The following SRGAP3 variants were observed in gnomAD, a reference collection of about 807,000 sequenced individuals.
The protein encoded by SRGAP3 is SLIT-ROBO Rho GTPase-activating protein 3.
In SRGAP3, 39 loss-of-function variants were observed where a neutral mutation model predicts 121.1. The observed-to-expected ratio is 0.32, with a 90% CI of 0.25 to 0.42. The LOEUF is 0.42. SRGAP3 is among the 10% of genes least tolerant of loss of function. The pLI is 1.00. For missense variants in SRGAP3, 1,213 were observed against 1,470.6 expected, an observed-to-expected ratio of 0.82 and a Z score of 2.86; for synonymous variants, 601 against 570.0, an observed-to-expected ratio of 1.05 and a Z score of -0.77.
chr3:9,147,721 G>A (rs1178788397), intron 1 of SRGAP3, among the ~76,000 whole-genome samples: 2 of 152,210 alleles, frequency 1.3e-5, no homozygotes, highest in African/African-American at 4.8e-5. Flanking sequence ...TGCTCTGCGG[G>A]AATTGGATGC....
intron 17 of SRGAP3, among the ~76,000 whole-genome samples, chr3:9,010,892 A>G (rs1461454723): frequency 6.6e-6 from 1 of 152,196 alleles, no homozygotes; most frequent in Non-Finnish European, 1.5e-5. Flanking sequence ...AGGCACTGAG[A>G]GTAGACTGGC....
chr3:9,129,824 C>T (rs1051526306), intron 1 of SRGAP3, among the ~76,000 whole-genome samples: 2 of 151,476 alleles, frequency 1.3e-5, no homozygotes, highest in Non-Finnish European at 2.9e-5. Flanking sequence ...TGCAGTGGCG[C>T]CATCTCAACT....
intron 1 of SRGAP3, among the ~76,000 whole-genome samples, chr3:9,220,378 A>C (rs991789534): frequency 1.2e-4 from 19 of 152,204 alleles, no homozygotes; most frequent in Non-Finnish European, 1.8e-4. Flanking sequence ...GAAGTCCTGC[A>C]TGTAGTCCAC....
intron 1 of SRGAP3, among the ~76,000 whole-genome samples, chr3:9,353,794 G>A (rs534783867): frequency 6.6e-6 from 1 of 152,148 alleles, no homozygotes; most frequent in African/African-American, 2.4e-5. Context: ...GTCCCAAAAG[G>A]TTTTCTTGGG....
chr3:9,152,693 G>A (rs897868545), intron 1 of SRGAP3, among the ~76,000 whole-genome samples: 1 of 152,200 alleles, frequency 6.6e-6, no homozygotes, highest in African/African-American at 2.4e-5. Flanking sequence ...CTCAGTCCCT[G>A]GACATTGTGG....
At chr3:9,060,428 CTTTTTTT>C in intron 5 of SRGAP3, 69 bp from the exon 6 acceptor site, 1 of 1,175,390 alleles carries the variant, frequency 8.5e-7, no homozygotes, top group South Asian at 1.5e-5. Context: ...TTTTCTATTC[CTTTTTTT>C]TTTTTTTTTG....
intron 3 of SRGAP3, among the ~76,000 whole-genome samples, chr3:9,299,372 A>AAAAAGAAAAG (rs1001253144): frequency 6.6e-6 from 1 of 151,300 alleles, no homozygotes; most frequent in Non-Finnish European, 1.5e-5. Context: ...AAAAAAAAAA[A>AAAAAGAAAAG]AAAAGAAAAG....
intron 3 of SRGAP3, among the ~76,000 whole-genome samples, chr3:9,295,166 T>C (rs541956411): frequency 6.6e-6 from 1 of 152,072 alleles, no homozygotes; most frequent in Non-Finnish European, 1.5e-5. Flanking sequence ...TCATGCCTGA[T>C]TGAATAACAG....
At chr3:9,056,868 GA>G (rs1945848140) in intron 7 of SRGAP3, among the ~76,000 whole-genome samples, 1 of 152,096 alleles carries the variant, frequency 6.6e-6, no homozygotes, top group Non-Finnish European at 1.5e-5. Flanking sequence ...AGCACCCAGA[GA>G]AATGCTGTTC....
chr3:8,992,672 G>A, intron 20 of SRGAP3: 1 of 621,358 alleles, frequency 1.6e-6, no homozygotes, highest in Admixed American at 2.9e-5. Context: ...AAAAAGCACT[G>A]GGTTCCCAAC....
intron 1 of SRGAP3, among the ~76,000 whole-genome samples, chr3:9,343,597 A>C (rs1161980675): frequency 6.6e-6 from 1 of 152,204 alleles, no homozygotes; most frequent in Non-Finnish European, 1.5e-5. Flanking sequence ...TATTATATAT[A>C]CTTCTAGCCA....
rs180978765 is a variant in SRGAP3 at position 9,294,499 on chromosome 3, T to A, written n.442+31511A>T. 1.2e-3 allele frequency among the ~76,000 whole-genome samples: 181 copies of A among 151,930 alleles called. No homozygotes were observed. The Middle Eastern group carries it at 0.017, about 14-fold the overall frequency. ...CACACATTTACCTATGTAGCAAACC[T>A]GCACATGTATCCTGGAACTTAAAAT... On this transcript the variant is annotated intron_variant and non_coding_transcript_variant, in intron 3 of 3. Coordinates refer to the SRGAP3 transcript ENST00000490889.
At chr3:9,104,401 CT>C (rs1948333451) in intron 3 of SRGAP3, among the ~76,000 whole-genome samples, 1 of 152,172 alleles carries the variant, frequency 6.6e-6, no homozygotes, top group Non-Finnish European at 1.5e-5. Context: ...TTAAAATTTT[CT>C]ACAATGAATA....
At chr3:9,185,833 G>A (rs1017633244) in intron 1 of SRGAP3, among the ~76,000 whole-genome samples, 12 of 152,108 alleles carry the variant, frequency 7.9e-5, no homozygotes, top group African/African-American at 2.9e-4. Flanking sequence ...CACTGCACCT[G>A]ATTGAGATGT....
intron 1 of SRGAP3, among the ~76,000 whole-genome samples, chr3:9,137,157 TG>T (rs1949694666): frequency 6.6e-6 from 1 of 152,194 alleles, no homozygotes; most frequent in Non-Finnish European, 1.5e-5. Flanking sequence ...TTAAGAAATC[TG>T]TTGGCCCCAA....
At chr3:9,150,650 C>T (rs9877068) in intron 1 of SRGAP3, among the ~76,000 whole-genome samples, 2 of 152,064 alleles carry the variant, frequency 1.3e-5, no homozygotes, top group Non-Finnish European at 2.9e-5. Flanking sequence ...CATACAGGGA[C>T]TGAGACAGGA....
intron 7 of SRGAP3, 78 bp from the exon 8 acceptor site, chr3:9,056,412 T>A: frequency 1.4e-6 from 2 of 1,440,538 alleles, no homozygotes; most frequent in Non-Finnish European, 1.9e-6. Context: ...GGGCTACCAT[T>A]AACATCCCAA....
At position 9,124,820 on chromosome 3, in the gene SRGAP3, C is replaced by G; in HGVS notation, c.165G>C (p.Arg55=). Residue 55 remains arginine, a synonymous_variant, in exon 2 of 22, where the codon CGG becomes CGC. Coordinates refer to ENST00000383836, the MANE Select transcript of SRGAP3 (RefSeq NM_014850.4). The stretch of plus-strand genomic sequence containing the variant: ...AGTACTCGAGCTCAATCTCAGCTTT[C>G]CGGCGGAAAAACTCCTGGAGGTCTT... ...LLQDLQEFFR[R]KAEIELEYSR... The G allele has an allele frequency of 6.2e-7, 1 of 1,614,236 alleles. No individual in the cohort carries two copies.
At chr3:9,087,621 A>C (rs1219193936) in intron 3 of SRGAP3, among the ~76,000 whole-genome samples, 1 of 152,152 alleles carries the variant, frequency 6.6e-6, no homozygotes, top group Non-Finnish European at 1.5e-5. Flanking sequence ...GATGGTGAAA[A>C]GACTGGTTCA....
Sources: gnomAD v4.1 joint callset for allele counts (sites outside exome capture counted in the v4.1 genomes callset) on GRCh38, gnomAD v4.1.1 for gene constraint, MANE v1.5 for transcripts, NCBI Gene and HGNC (gene_info 2026-07-23, HGNC 2026-07-21) for gene names.